The following CEP128 variants were observed in gnomAD, a reference collection of about 807,000 sequenced individuals.
The protein encoded by CEP128 is centrosomal protein 128.
In CEP128, 132 loss-of-function variants were observed where a neutral mutation model predicts 156.7. The observed-to-expected ratio is 0.84, with a 90% CI of 0.73 to 0.97. The LOEUF (loss-of-function observed/expected upper bound fraction) is 0.97, where lower values mean the gene tolerates loss of function less well. CEP128 is among the 50% of genes least tolerant of loss of function. The pLI, the probability that CEP128 is intolerant of heterozygous loss-of-function variation, is 0.00. For synonymous variants in CEP128, 469 were observed against 448.9 expected (o/e 1.04, Z -0.57); for missense variants, 1,252 against 1,281.9 (o/e 0.98, Z 0.36).
At chr14:80,731,082 A>T (rs1424243967) in intron 19 of CEP128, among the ~76,000 whole-genome samples, 1 of 152,182 alleles carries the variant, frequency 6.6e-6, no homozygotes, top group Non-Finnish European at 1.5e-5. Flanking sequence ...AATTTTGACA[A>T]TTCTATTTTC....
At chr14:80,697,287 C>A (rs1381134017) in intron 19 of CEP128, among the ~76,000 whole-genome samples, 2 of 152,042 alleles carry the variant, frequency 1.3e-5, no homozygotes, top group Non-Finnish European at 2.9e-5. Flanking sequence ...TGAATTAAAA[C>A]TATAATGGTT....
intron 14 of CEP128, among the ~76,000 whole-genome samples, chr14:80,485,467 G>A (rs1218954143): frequency 6.6e-6 from 1 of 152,060 alleles, no homozygotes; most frequent in Non-Finnish European, 1.5e-5. Context: ...GCATGGTCAA[G>A]TCTAGTCATA....
chr14:80,931,432 C>A (rs948943455), intron 2 of CEP128, among the ~76,000 whole-genome samples: 1 of 152,176 alleles, frequency 6.6e-6, no homozygotes, highest in Non-Finnish European at 1.5e-5. Flanking sequence ...AAAGTACATG[C>A]CCTTAACTCA....
intron 16 of CEP128, 99 bp downstream of exon 16, chr14:80,777,783 G>T: frequency 2.1e-6 from 2 of 940,838 alleles, no homozygotes; most frequent in Non-Finnish European, 3.1e-6. Flanking sequence ...ACTTCCCTGT[G>T]AAGGACTACA....
At chr14:80,489,862 A>G (rs1374808544), downstream of CEP128, among the ~76,000 whole-genome samples, 1 of 150,066 alleles carries the variant, frequency 6.7e-6, no homozygotes, top group Non-Finnish European at 1.5e-5. Flanking sequence ...GGGATTCAGT[A>G]TGTATTTCTT....
downstream of CEP128, among the ~76,000 whole-genome samples, chr14:80,485,862 G>A (rs1316789135): frequency 6.6e-6 from 1 of 152,146 alleles, no homozygotes. Flanking sequence ...ATAACAGCAG[G>A]TGGAATAAAA....
chr14:80,551,097 A>C (rs755217020), intron 21 of CEP128, among the ~76,000 whole-genome samples: 7 of 152,142 alleles, frequency 4.6e-5, no homozygotes, highest in African/African-American at 7.2e-5. Context: ...TTACATAGTG[A>C]TCTGTCATCA....
intron 23 of CEP128, among the ~76,000 whole-genome samples, chr14:80,520,963 C>T (rs1012775805): frequency 6.6e-6 from 1 of 150,692 alleles, no homozygotes; most frequent in African/African-American, 2.4e-5. Flanking sequence ...GCTAGGATTA[C>T]AGGCACCCGC....
chr14:80,689,956 A>G (rs1896660672), intron 19 of CEP128, among the ~76,000 whole-genome samples: 1 of 152,168 alleles, frequency 6.6e-6, no homozygotes, highest in African/African-American at 2.4e-5. Flanking sequence ...GAAAACTACC[A>G]CAGTAAATAA....
intron 18 of CEP128, among the ~76,000 whole-genome samples, chr14:80,751,226 C>T (rs903881643): frequency 1.3e-5 from 2 of 152,088 alleles, no homozygotes; most frequent in Admixed American, 6.6e-5. Context: ...TCTATTCTTA[C>T]GAAGACTTTA....
intron 20 of CEP128, among the ~76,000 whole-genome samples, chr14:80,561,825 A>G (rs1385114575): frequency 1.3e-5 from 2 of 151,632 alleles, no homozygotes; most frequent in Admixed American, 1.3e-4. Context: ...TTTAAAGGAA[A>G]TATGTGCCTA....
At position 80,625,993 on chromosome 14, in the gene CEP128, T is replaced by G. The variant is rs8014638; in HGVS notation, c.2807-45570A>C. 7.9e-3 allele frequency among the ~76,000 whole-genome samples: 1,196 copies of G among 152,288 alleles called. 22 individuals are homozygous for G. The highest frequency in any genetic ancestry group is 0.027 in the African/African-American group (1,134 of 41,558). ...TAAAAAGTCATAAAATACTAAATGGTAACACTGGTATATTGAATAATCAGC... is the reference window on the plus strand; with the variant it reads ...TAAAAAGTCATAAAATACTAAATGGGAACACTGGTATATTGAATAATCAGC... On this transcript the variant is annotated intron_variant, in intron 19 of 24. Transcript: ENST00000555265.
intron 19 of CEP128, among the ~76,000 whole-genome samples, chr14:80,652,590 G>A (rs1268249664): frequency 2.0e-5 from 3 of 152,266 alleles, no homozygotes; most frequent in Non-Finnish European, 2.9e-5. Flanking sequence ...ATGAAAAAAA[G>A]CTAATCATCA....
chr14:80,636,454 C>T (rs1280038113), intron 19 of CEP128, among the ~76,000 whole-genome samples: 1 of 152,020 alleles, frequency 6.6e-6, no homozygotes, highest in Non-Finnish European at 1.5e-5. Context: ...CATTTTCCTG[C>T]TTTTTTTTCT....
At chr14:80,764,751 A>T (rs1297006750) in intron 16 of CEP128, among the ~76,000 whole-genome samples, 1 of 152,160 alleles carries the variant, frequency 6.6e-6, no homozygotes. Flanking sequence ...GTACCTGACA[A>T]AGCTGTAAAC....
intron 17 of CEP128, 102 bp from the exon 18 acceptor site, chr14:80,757,053 T>C (rs1329000981): frequency 5.5e-6 from 4 of 732,160 alleles, no homozygotes; most frequent in Non-Finnish European, 8.8e-6. Context: ...AGTTCCCCAA[T>C]TTAAGGATTT....
chr14:80,697,408 T>C (rs1265234392), intron 19 of CEP128, among the ~76,000 whole-genome samples: 1 of 152,248 alleles, frequency 6.6e-6, no homozygotes, highest in Admixed American at 6.5e-5. Context: ...GTCATTCAAT[T>C]GAGCACCTCA....
chr14:80,608,133 TAA>T (rs1892857802), intron 19 of CEP128, among the ~76,000 whole-genome samples: 1 of 152,250 alleles, frequency 6.6e-6, no homozygotes, highest in African/African-American at 2.4e-5. Context: ...TAAAACGATG[TAA>T]AGTCAGCACC....
At chr14:80,511,295 C>A (rs1267088772) in intron 23 of CEP128, among the ~76,000 whole-genome samples, 2 of 151,538 alleles carry the variant, frequency 1.3e-5, no homozygotes, top group African/African-American at 2.4e-5. Context: ...TTGTTATTGG[C>A]CTATTCAGGT....
Sources: allele counts gnomAD v4.1 joint callset (sites outside exome capture counted in the v4.1 genomes callset), GRCh38; gene constraint gnomAD v4.1.1; transcripts MANE v1.5; gene names NCBI Gene and HGNC (gene_info 2026-07-23, HGNC 2026-07-21).